The following DMD variants were observed in gnomAD, a reference collection of about 807,000 sequenced individuals.
DMD encodes dystrophin, also known as mutant dystrophin.
A neutral mutation model predicts 330.1 loss-of-function variants in DMD; 63 were observed. That is an observed-to-expected ratio of 0.19 (90% CI 0.16 to 0.24). The LOEUF (loss-of-function observed/expected upper bound fraction) is 0.24. DMD is among the 10% of genes least tolerant of loss of function. DMD has a pLI of 1.00. For missense variants in DMD, 3,344 were observed against 2,684.1 expected (o/e 1.25, Z -5.43); for synonymous variants, 1,223 against 959.8 (o/e 1.27, Z -5.07).
chrX:32,693,798 G>A (rs541357227), intron 9 of DMD, among the ~76,000 whole-genome samples: 3 of 111,180 alleles, frequency 2.7e-5, no homozygotes, highest in East Asian at 2.8e-4. Flanking sequence ...TTTTACTGTC[G>A]TTTGAACCTA....
intron 11 of DMD, among the ~76,000 whole-genome samples, chrX:32,632,161 T>C (rs1222340051): frequency 2.7e-5 from 3 of 112,225 alleles, no homozygotes; most frequent in African/African-American, 6.5e-5. Flanking sequence ...AAAGGTCTCA[T>C]GCAAGTCTGA....
At position 31,968,459 on chromosome X, in the gene DMD, G is replaced by C; in HGVS notation, c.6494C>G (p.Thr2165Ser). The C allele has an allele frequency of 1.7e-6, 2 of 1,210,443 alleles. No homozygotes were observed. Among genetic ancestry groups the C allele is most frequent in the Non-Finnish European group, 1.1e-6 (1 of 894,765 alleles). ...RQTVVRTLNA[T>S]GEEIIQQSSK... ...GGATTGCTGAATTATTTCTTCCCCA[G>C]TTGCATTCAATGTTCTGACAACAGT... The change falls in exon 45 of 79, where the codon ACT becomes AGT. Residue 2165 changes from threonine (T) to serine (S), a missense_variant. Thr to Ser is a moderately conservative substitution (Grantham distance 58, BLOSUM62 1). Transcript: ENST00000357033.
chrX:32,896,628 T>A (rs2085746093), intron 2 of DMD, among the ~76,000 whole-genome samples: 2 of 111,855 alleles, frequency 1.8e-5, no homozygotes, highest in Admixed American at 9.5e-5. Flanking sequence ...ACTAAGATAA[T>A]TCACTTGACT....
chrX:33,000,739 G>T (rs145873966), intron 2 of DMD, among the ~76,000 whole-genome samples: 1,326 of 111,609 alleles, frequency 0.012, 24 homozygotes, highest in African/African-American at 0.041. Flanking sequence ...ACCTGTTGAA[G>T]AAATAATATT....
intron 39 of DMD, 110 bp from the exon 40 acceptor site, chrX:32,343,396 G>A: frequency 2.7e-6 from 2 of 728,573 alleles, no homozygotes; most frequent in East Asian, 3.4e-5. Flanking sequence ...GTACAACTTA[G>A]GTTAAAATCA....
chrX:31,648,520 A>G (rs1280495211), intron 54 of DMD, among the ~76,000 whole-genome samples: 1 of 101,590 alleles, frequency 9.8e-6, no homozygotes, highest in Non-Finnish European at 2.0e-5. Context: ...TCAAGAATCT[A>G]TAAACACTCG....
chrX:31,986,929 T>C (rs1233826276), intron 44 of DMD, among the ~76,000 whole-genome samples: 2 of 112,139 alleles, frequency 1.8e-5, no homozygotes, highest in African/African-American at 6.5e-5. Flanking sequence ...CTGGTAACTA[T>C]GATAGAAATG....
chrX:32,341,950 C>T (rs2097745333), intron 41 of DMD, 150 bp downstream of exon 41: 1 of 551,179 alleles, frequency 1.8e-6, no homozygotes, highest in African/African-American at 2.4e-5. Context: ...TACAGAAGCC[C>T]AAAGTGAGGG....
In DMD at chrX:33,168,287, T is replaced by G. The variant is rs184976091; in HGVS notation, c.31+42995A>C. Reference sequence around the variant, plus strand: ...AAATACTGTTGAACAAAAAATAACTTTATTTACTATATATTTTTTAACATC... The same window carrying G: ...AAATACTGTTGAACAAAAAATAACTGTATTTACTATATATTTTTTAACATC... On this transcript the variant is annotated intron_variant, in intron 1 of 78. Coordinates refer to ENST00000357033, the MANE Select transcript of DMD (RefSeq NM_004006.3). Among the ~76,000 whole-genome samples, 4 of 110,939 alleles carry G rather than the reference T, an allele frequency of 3.6e-5. No homozygotes were observed. The East Asian group carries it at 1.1e-3, about 31-fold the overall frequency.
intron 44 of DMD, among the ~76,000 whole-genome samples, chrX:32,050,239 T>C (rs61598720): frequency 0.066 from 7,306 of 110,892 alleles, 236 homozygotes; most frequent in Admixed American, 0.13. Context: ...GATTATGTTT[T>C]TTTTCTGCCT....
At chrX:31,960,789 C>G (rs1004096215) in intron 45 of DMD, among the ~76,000 whole-genome samples, 12 of 112,178 alleles carry the variant, frequency 1.1e-4, no homozygotes, top group Non-Finnish European at 1.9e-5. Context: ...AACTATGAAG[C>G]TGATTTTTCA....
chrX:32,957,512 T>C (rs1358566038), intron 2 of DMD, among the ~76,000 whole-genome samples: 1 of 111,790 alleles, frequency 8.9e-6, no homozygotes, highest in Non-Finnish European at 1.9e-5. Flanking sequence ...AGATGGTATA[T>C]ATATAATCCT....
At chrX:31,480,913 G>GA (rs1465478224) in intron 57 of DMD, among the ~76,000 whole-genome samples, 1 of 111,587 alleles carries the variant, frequency 9.0e-6, no homozygotes, top group Non-Finnish European at 1.9e-5. Context: ...ATATGGGGAA[G>GA]AAAATCGGGA....
At chrX:32,834,933 T>G (rs1478607258) in intron 4 of DMD, among the ~76,000 whole-genome samples, 2 of 111,083 alleles carry the variant, frequency 1.8e-5, no homozygotes, top group African/African-American at 3.3e-5. Context: ...GGACACAAGC[T>G]TGGAGAAAGG....
At position 31,725,132 on chromosome X, in the gene DMD, G is replaced by A. The variant is rs373804640; in HGVS notation, c.7660+4499C>T. On this transcript the variant is annotated intron_variant, in intron 52 of 78. Coordinates refer to ENST00000357033, the MANE Select transcript of DMD (RefSeq NM_004006.3). ...CGGGCTTTAAAATCATATAGACGTG[G>A]GCTTGAATTCTACTTCCTCACTTGT... Among the ~76,000 whole-genome samples the A allele has an allele frequency of 2.7e-5, 3 of 110,958 alleles. No homozygotes were observed. In the East Asian group the frequency reaches 8.4e-4, roughly 31 times the overall value.
At chrX:31,872,136 G>A in intron 48 of DMD, among the ~76,000 whole-genome samples, 1 of 107,531 alleles carries the variant, frequency 9.3e-6, no homozygotes, top group Non-Finnish European at 1.9e-5. Context: ...GGCTAAAAGA[G>A]TATTTTTGAA....
intron 47 of DMD, among the ~76,000 whole-genome samples, chrX:31,882,162 A>G (rs915709089): frequency 3.6e-5 from 4 of 112,336 alleles, no homozygotes; most frequent in African/African-American, 1.3e-4. Context: ...GCAACTTTGA[A>G]GAACGACGAA....
chrX:32,735,591 G>C (rs2068346530), intron 7 of DMD, among the ~76,000 whole-genome samples: 1 of 110,864 alleles, frequency 9.0e-6, no homozygotes, highest in African/African-American at 3.3e-5. Context: ...GAACAGAACA[G>C]AGCCCTCAGA....
rs138791017 is a variant in DMD at position 31,293,349 on chromosome X, C to T, written c.9224+30249G>A. ...TTGCATTGAGCTGAACATGTTTCAT[C>T]TGTATACTTTCTGAATGTGGGTCAT... is the stretch of plus-strand genomic sequence containing the variant. On this transcript the variant is annotated intron_variant, in intron 62 of 78. Transcript: ENST00000357033. Among the ~76,000 whole-genome samples the T allele has an allele frequency of 5.5e-5, 6 of 109,539 alleles. No individual in the cohort carries two copies. In the East Asian group the frequency reaches 1.7e-3, roughly 31 times the overall value.
Sources: allele counts gnomAD v4.1 joint callset (sites outside exome capture counted in the v4.1 genomes callset), GRCh38; gene constraint gnomAD v4.1.1; transcripts MANE v1.5; gene names NCBI Gene and HGNC (gene_info 2026-07-23, HGNC 2026-07-21).